SPECC1L: variants seen among roughly 807,000 people sequenced by gnomAD.
The protein encoded by SPECC1L is cytospin-A.
Under a neutral mutation model 116.8 loss-of-function variants are expected in SPECC1L, and 40 were observed. The observed-to-expected ratio is 0.34, with a 90% confidence interval of 0.27 to 0.45. The LOEUF is 0.45. Ranked by LOEUF, SPECC1L falls within the 20% of genes least tolerant of loss-of-function variation. SPECC1L has a pLI of 1.00. For missense variants in SPECC1L, 1,110 were observed against 1,373.6 expected (o/e 0.81, Z 3.03); for synonymous variants, 504 against 500.6 (o/e 1.01, Z -0.09).
chr22:24,398,162 A>G (rs1429584773), intron 14 of SPECC1L, among the ~76,000 whole-genome samples: 1 of 151,958 alleles, frequency 6.6e-6, no homozygotes, highest in East Asian at 1.9e-4. Context: ...CCAAGGGAAC[A>G]CTCTTGTGTT....
chr22:24,340,664 T>G (rs2146539220), intron 10 of SPECC1L, among the ~76,000 whole-genome samples: 1 of 152,300 alleles, frequency 6.6e-6, no homozygotes, highest in African/African-American at 2.4e-5. Flanking sequence ...TGCAAAAAAC[T>G]AATACTTATG....
intron 14 of SPECC1L, among the ~76,000 whole-genome samples, chr22:24,383,792 A>ATTTTTTTTTTTTTTTTTTTTTT (rs538972717): frequency 2.6e-5 from 2 of 77,336 alleles, no homozygotes; most frequent in Non-Finnish European, 4.7e-5. Context: ...ACCCACCACT[A>ATTTTTTTTTTTTTTTTTTTTTT]TTTTTTTTTT....
At chr22:24,405,374 A>ATGAC (rs2042566106) in intron 14 of SPECC1L, among the ~76,000 whole-genome samples, 1 of 151,402 alleles carries the variant, frequency 6.6e-6, no homozygotes, top group East Asian at 2.0e-4. Flanking sequence ...AGGTCACATG[A>ATGAC]ATATGATGAG....
intron 15 of SPECC1L, 65 bp downstream of exon 15, chr22:24,411,769 C>A (rs1190814949): frequency 9.2e-6 from 12 of 1,306,088 alleles, no homozygotes; most frequent in Non-Finnish European, 1.3e-5. Flanking sequence ...GAACCAAGGG[C>A]AGCACCTGCC....
At chr22:24,348,454 G>A (rs1423333708) in intron 11 of SPECC1L, among the ~76,000 whole-genome samples, 4 of 152,158 alleles carry the variant, frequency 2.6e-5, no homozygotes, top group African/African-American at 4.8e-5. Context: ...AGCTGGTTGT[G>A]TACACATTTA....
chr22:24,398,591 G>A (rs2042410597), intron 14 of SPECC1L, among the ~76,000 whole-genome samples: 2 of 152,198 alleles, frequency 1.3e-5, no homozygotes, highest in African/African-American at 2.4e-5. Flanking sequence ...AAACTAAAGA[G>A]GCCTTTCTCA....
At chr22:24,283,991 A>G (rs556824672) in intron 2 of SPECC1L, among the ~76,000 whole-genome samples, 1 of 151,964 alleles carries the variant, frequency 6.6e-6, no homozygotes, top group African/African-American at 2.4e-5. Flanking sequence ...TCTCTTTTTT[A>G]TGAGTGTGGC....
At chr22:24,342,861 G>A (rs1268370787) in intron 10 of SPECC1L, among the ~76,000 whole-genome samples, 2 of 151,990 alleles carry the variant, frequency 1.3e-5, no homozygotes, top group Non-Finnish European at 2.9e-5. Flanking sequence ...AAAAAGGCGG[G>A]TCGGGGGGCA....
chr22:24,335,684 C>T (rs2041039102), intron 9 of SPECC1L, among the ~76,000 whole-genome samples: 2 of 152,082 alleles, frequency 1.3e-5, no homozygotes, highest in South Asian at 2.1e-4. Context: ...AAAAGCAGAG[C>T]AAAAGTCACA....
intron 14 of SPECC1L, among the ~76,000 whole-genome samples, chr22:24,377,755 T>C (rs1569441727): frequency 1.3e-5 from 2 of 152,224 alleles, no homozygotes; most frequent in African/African-American, 2.4e-5. Flanking sequence ...ACATTGTCAA[T>C]GAGCAGTAAT....
chr22:24,363,204 ATTACT>A (rs138948001), intron 11 of SPECC1L, 52 bp from the exon 12 acceptor site: 32,202 of 1,451,312 alleles, frequency 0.022, 444 homozygotes, highest in Non-Finnish European at 0.027. Flanking sequence ...TTGTACCTTT[ATTACT>A]TTAAAGTTCA....
chr22:24,293,407 C>A lies in SPECC1L; in HGVS notation c.-37-8788C>A, dbSNP rs868749145. 2.7e-3 allele frequency among the ~76,000 whole-genome samples: 381 copies of A among 143,560 alleles called. 1 individual carries two copies. Among genetic ancestry groups the A allele is most frequent in the African/African-American group, 1.0e-2 (358 of 35,876 alleles). The allele number at this position is 143,560 out of a possible 152,430, so 94.2% of individuals were successfully genotyped here. On this transcript the variant is annotated intron_variant, in intron 2 of 16. Coordinates refer to ENST00000314328, the MANE Select transcript of SPECC1L (RefSeq NM_015330.6). The stretch of plus-strand genomic sequence containing the variant: ...GGCGGAGGTTGCAGTGAGCCGAGGT[C>A]GTGCCACTGTACTCCAGCCTGGCGA...
intron 1 of SPECC1L, among the ~76,000 whole-genome samples, chr22:24,274,113 C>A (rs2048785422): frequency 2.0e-5 from 3 of 152,218 alleles, no homozygotes; most frequent in Admixed American, 2.0e-4. Context: ...GAAATTCTTT[C>A]TGGTGGTTGG....
chr22:24,342,089 C>T (rs1047617301), intron 10 of SPECC1L, among the ~76,000 whole-genome samples: 3 of 152,202 alleles, frequency 2.0e-5, no homozygotes, highest in Admixed American at 2.0e-4. Flanking sequence ...ATTTGTCATG[C>T]AGCATAGGTA....
rs757704170 is a variant in SPECC1L, at chr22:24,334,366, C to T, written c.2397-44C>T. 19 of 1,601,186 alleles carry T rather than the reference C, an allele frequency of 1.2e-5. No homozygotes were observed. The South Asian group carries it at 2.1e-4, about 18-fold the overall frequency. On this transcript the variant is annotated intron_variant, in intron 8 of 16. Coordinates refer to ENST00000314328, the MANE Select transcript of SPECC1L (RefSeq NM_015330.6). ...GCTGGGAGGGGAAAATGTGTATGTT[C>T]TAGTACCTATGTAAAAATGCTCTGA...
intron 4 of SPECC1L, among the ~76,000 whole-genome samples, chr22:24,317,664 C>T (rs1478174441): frequency 4.0e-5 from 6 of 151,792 alleles, no homozygotes; most frequent in African/African-American, 9.7e-5. Flanking sequence ...GGGGGGCTGA[C>T]CCCCCCATCT....
At chr22:24,283,664 C>G (rs2048988870) in intron 2 of SPECC1L, among the ~76,000 whole-genome samples, 2 of 152,048 alleles carry the variant, frequency 1.3e-5, no homozygotes, top group Admixed American at 1.3e-4. Context: ...TTTATTTCTT[C>G]TTTAGTGGAA....
intron 14 of SPECC1L, among the ~76,000 whole-genome samples, chr22:24,408,900 G>A (rs1382774670): frequency 6.6e-6 from 1 of 152,240 alleles, no homozygotes; most frequent in Non-Finnish European, 1.5e-5. Context: ...AAGGACACCT[G>A]CCTAGAGCTG....
At chr22:24,332,130 T>C (rs1451832203) in intron 8 of SPECC1L, among the ~76,000 whole-genome samples, 3 of 152,230 alleles carry the variant, frequency 2.0e-5, no homozygotes, top group African/African-American at 7.2e-5. Flanking sequence ...TTGGTGGGTA[T>C]TTTGTGAAAA....
Sources: allele counts gnomAD v4.1 joint callset (sites outside exome capture counted in the v4.1 genomes callset), GRCh38; gene constraint gnomAD v4.1.1; transcripts MANE v1.5; gene names NCBI Gene and HGNC (gene_info 2026-07-23, HGNC 2026-07-21).